Variants in PXDNL observed in about 807,000 individuals in gnomAD.
The protein encoded by PXDNL is peroxidasin like.
In PXDNL, 145 loss-of-function variants were observed where a neutral mutation model predicts 150.8. The ratio of observed to expected loss-of-function variants is 0.96; its 90% CI spans 0.84 to 1.10. The LOEUF (loss-of-function observed/expected upper bound fraction) is 1.10, where lower values mean the gene tolerates loss of function less well. Ranked by LOEUF, PXDNL falls within the 50% of genes least tolerant of loss-of-function variation. The pLI, the probability that PXDNL is intolerant of heterozygous loss-of-function variation, is 0.00. For missense variants in PXDNL, 2,087 were observed against 1,873.9 expected (o/e 1.11, Z -2.10); for synonymous variants, 757 against 725.7 (o/e 1.04, Z -0.69).
intron 1 of PXDNL, among the ~76,000 whole-genome samples, chr8:51,794,824 T>C (rs1437148534): frequency 1.3e-5 from 2 of 152,146 alleles, no homozygotes; most frequent in African/African-American, 2.4e-5. Context: ...TAATCTTAAA[T>C]GTAAATGGAC....
At chr8:51,642,200 C>T (rs901402771) in intron 2 of PXDNL, among the ~76,000 whole-genome samples, 4 of 130,454 alleles carry the variant, frequency 3.1e-5, no homozygotes, top group African/African-American at 1.1e-4. Context: ...ACTCTGGGGA[C>T]TGTTGTGGGG....
At chr8:51,485,377 T>C (rs866028195) in intron 5 of PXDNL, among the ~76,000 whole-genome samples, 1 of 152,218 alleles carries the variant, frequency 6.6e-6, no homozygotes, top group South Asian at 2.1e-4. Context: ...AAAGACTCTC[T>C]TCTTGACCAA....
At chr8:51,469,876 G>A (rs1404609355) in intron 8 of PXDNL, among the ~76,000 whole-genome samples, 1 of 151,484 alleles carries the variant, frequency 6.6e-6, no homozygotes, top group East Asian at 1.9e-4. Flanking sequence ...TTAATTTTTT[G>A]GTATAAAATG....
intron 3 of PXDNL, among the ~76,000 whole-genome samples, chr8:51,577,935 GA>G (rs1188879173): frequency 2.0e-5 from 1 of 50,712 alleles, no homozygotes; most frequent in Non-Finnish European, 4.1e-5. Flanking sequence ...AAGAAAGAAA[GA>G]AAGAAAGAAA....
chr8:51,644,020 C>T (rs1814843662), intron 2 of PXDNL, among the ~76,000 whole-genome samples: 1 of 151,634 alleles, frequency 6.6e-6, no homozygotes, highest in Non-Finnish European at 1.5e-5. Flanking sequence ...GTGGCAGGCA[C>T]CTGTAGTTCC....
rs1809111444 is a variant in PXDNL at position 51,426,685 on chromosome 8, A to G, written c.1599T>C (p.His533=). ...EVGKNINISC[H]AQGEPQPIIT... ...TTATGGGCTGTGGTTCTCCTTGAGC[A>G]TGACATGAAATGTTTATATTCTTTC... The change falls in exon 13 of 23, where the codon CAT becomes CAC. Residue 533 remains histidine, a synonymous_variant. Transcript: ENST00000356297. The G allele has an allele frequency of 6.2e-7, 1 of 1,608,072 alleles. No individual in the cohort carries two copies. Among genetic ancestry groups the G allele is most frequent in the Non-Finnish European group, 8.5e-7 (1 of 1,176,322 alleles).
intron 8 of PXDNL, among the ~76,000 whole-genome samples, chr8:51,459,077 T>C (rs1810005517): frequency 2.0e-5 from 3 of 152,238 alleles, no homozygotes; most frequent in Admixed American, 6.5e-5. Context: ...TGGATGCTCC[T>C]ATCCATATCA....
chr8:51,573,868 C>G (rs553440667), intron 3 of PXDNL, among the ~76,000 whole-genome samples: 1 of 152,046 alleles, frequency 6.6e-6, no homozygotes, highest in Non-Finnish European at 1.5e-5. Context: ...TAGATGGGCT[C>G]TAATTTTATA....
intron 1 of PXDNL, among the ~76,000 whole-genome samples, chr8:51,760,801 G>A (rs1304663567): frequency 7.9e-6 from 1 of 126,382 alleles, no homozygotes; most frequent in Admixed American, 8.5e-5. Flanking sequence ...TGAAATCCCT[G>A]TTCCCAGCCA....
At chr8:51,382,200 A>G (rs1807569821) in intron 17 of PXDNL, among the ~76,000 whole-genome samples, 1 of 152,174 alleles carries the variant, frequency 6.6e-6, no homozygotes, top group Non-Finnish European at 1.5e-5. Context: ...GCTGTCCTAC[A>G]GCAGAGGCAG....
intron 1 of PXDNL, among the ~76,000 whole-genome samples, chr8:51,735,564 T>TTTA: frequency 3.1e-5 from 4 of 129,568 alleles, no homozygotes; most frequent in African/African-American, 1.0e-4. Flanking sequence ...TTTTTTTTTT[T>TTTA]GAGACGGAGT....
At chr8:51,786,684 A>G (rs902125860) in intron 1 of PXDNL, among the ~76,000 whole-genome samples, 2 of 152,226 alleles carry the variant, frequency 1.3e-5, no homozygotes, top group African/African-American at 4.8e-5. Context: ...ACATAAAAGT[A>G]CAAGGTGAAG....
intron 4 of PXDNL, 122 bp downstream of exon 4, chr8:51,556,718 A>G: frequency 6.1e-6 from 4 of 659,528 alleles, no homozygotes; most frequent in South Asian, 5.1e-5. Context: ...CAGATATTCA[A>G]TCATTCAAGC....
At chr8:51,552,423 C>T (rs1158925416) in intron 4 of PXDNL, among the ~76,000 whole-genome samples, 2 of 152,176 alleles carry the variant, frequency 1.3e-5, no homozygotes, top group South Asian at 2.1e-4. Flanking sequence ...AAATATGGAA[C>T]CAGCTTGAAT....
chr8:51,627,003 A>T (rs1400580148), intron 2 of PXDNL, among the ~76,000 whole-genome samples: 2 of 152,214 alleles, frequency 1.3e-5, no homozygotes, highest in Non-Finnish European at 2.9e-5. Context: ...AATAGAGATT[A>T]AAAAACTTAC....
intron 12 of PXDNL, 150 bp from the exon 13 acceptor site, chr8:51,426,908 C>T: frequency 3.5e-6 from 2 of 574,210 alleles, no homozygotes. Flanking sequence ...AGGGGAATAA[C>T]AAGCATCACA....
chr8:51,764,273 G>T (rs2037200631), intron 1 of PXDNL, among the ~76,000 whole-genome samples: 4 of 150,954 alleles, frequency 2.6e-5, no homozygotes, highest in Admixed American at 2.6e-4. Flanking sequence ...TGGTTTTGTT[G>T]ATTTTGTCTA....
At chr8:51,564,254 T>A (rs1372884716) in intron 3 of PXDNL, among the ~76,000 whole-genome samples, 2 of 152,000 alleles carry the variant, frequency 1.3e-5, no homozygotes, top group Non-Finnish European at 2.9e-5. Flanking sequence ...CGGGATTATG[T>A]CAAAAGGACA....
intron 17 of PXDNL, among the ~76,000 whole-genome samples, chr8:51,405,961 G>A (rs1808424631): frequency 1.3e-5 from 2 of 152,274 alleles, no homozygotes; most frequent in South Asian, 4.1e-4. Flanking sequence ...GGCATGAAAG[G>A]AACAAATAGA....
Sources: allele counts gnomAD v4.1 joint callset (sites outside exome capture counted in the v4.1 genomes callset), GRCh38; gene constraint gnomAD v4.1.1; transcripts MANE v1.5; gene names NCBI Gene and HGNC (gene_info 2026-07-23, HGNC 2026-07-21).